Variants in RCSD1 observed in about 807,000 individuals in gnomAD.
RCSD1 encodes capZ-interacting protein.
A neutral mutation model predicts 42.5 loss-of-function variants in RCSD1; 26 were observed. That is an observed-to-expected ratio of 0.61 (90% confidence interval 0.45 to 0.85). The LOEUF is 0.85. RCSD1 is among the 40% of genes least tolerant of loss of function. The pLI is 0.00. For synonymous variants in RCSD1, 220 were observed against 212.2 expected (o/e 1.04, Z -0.32); for missense variants, 571 against 528.3 (o/e 1.08, Z -0.79).
At chr1:167,638,568 C>T (rs1009767434) in intron 1 of RCSD1, 1 of 152,262 alleles carries the variant, frequency 6.6e-6, no homozygotes. Flanking sequence ...GGGGAGACAA[C>T]AGGCTCCTCA....
chr1:167,693,133 C>T (rs1027071162), intron 4 of RCSD1, among the ~76,000 whole-genome samples: 13 of 152,120 alleles, frequency 8.5e-5, no homozygotes, highest in African/African-American at 2.9e-4. Flanking sequence ...CCCATTGCAC[C>T]GTCTGCCCCT....
At chr1:167,695,352 G>A (rs1338374874) in intron 5 of RCSD1, among the ~76,000 whole-genome samples, 1 of 152,190 alleles carries the variant, frequency 6.6e-6, no homozygotes, top group African/African-American at 2.4e-5. Flanking sequence ...AACCCTGCTG[G>A]TCATGAGGGC....
chr1:167,697,326 T>C lies in RCSD1; in HGVS notation c.702T>C (p.Ala234=), dbSNP rs1659522014. 1.2e-6 allele frequency: 2 copies of C among 1,613,938 alleles called. No homozygotes were observed. The highest frequency in any genetic ancestry group is 1.7e-6 in the Non-Finnish European group (2 of 1,179,974). ...AGGGAGTGAGAACCCTGGGACCTGCTGAAAAGCCTCCTCTGAGGAGGTCAC... is the reference window on the plus strand; with the variant it reads ...AGGGAGTGAGAACCCTGGGACCTGCCGAAAAGCCTCCTCTGAGGAGGTCAC... The part of the protein sequence containing the change: ...AGEGVRTLGP[A]EKPPLRRSPS... Residue 234 remains alanine (A), a synonymous_variant, in exon 6 of 7, where the codon GCT becomes GCC. Transcript: ENST00000367854.
chr1:167,653,240 A>T (rs1658352580), intron 1 of RCSD1, among the ~76,000 whole-genome samples: 1 of 152,216 alleles, frequency 6.6e-6, no homozygotes. Context: ...CATGCTTTGG[A>T]AGTTTATCTC....
intron 1 of RCSD1, among the ~76,000 whole-genome samples, chr1:167,667,466 A>G (rs1407146557): frequency 6.6e-6 from 1 of 152,256 alleles, no homozygotes; most frequent in African/African-American, 2.4e-5. Flanking sequence ...CAAGCAGCAA[A>G]CAGATATATT....
chr1:167,631,331 G>T (rs1277037482), intron 1 of RCSD1, among the ~76,000 whole-genome samples: 3 of 152,194 alleles, frequency 2.0e-5, no homozygotes, highest in Non-Finnish European at 2.9e-5. Flanking sequence ...CTTTTGAGAA[G>T]ATGCAAATGT....
chr1:167,639,692 C>T (rs548133619), intron 1 of RCSD1, among the ~76,000 whole-genome samples: 2 of 152,272 alleles, frequency 1.3e-5, no homozygotes, highest in East Asian at 1.9e-4. Context: ...CGGGGTTTCA[C>T]CATGTTGGCC....
In RCSD1 at chr1:167,697,232, G is replaced by A; in HGVS notation, c.608G>A (p.Gly203Glu). The change falls in exon 6 of 7, where the codon GGG (glycine) becomes GAG (glutamate). Residue 203 changes from glycine to glutamate, a missense_variant. Coordinates refer to ENST00000367854, the MANE Select transcript of RCSD1 (RefSeq NM_052862.4). ...CAGAACGGTGCTAAGGAAGAGGATG[G>A]GGATGAAGTGTTGCCATCCAAGAGC... ...SQQNGAKEED[G>E]DEVLPSKSKA... The A allele has an allele frequency of 6.2e-7, 1 of 1,614,152 alleles. No homozygotes were observed. The highest frequency in any genetic ancestry group is 8.5e-7 in the Non-Finnish European group (1 of 1,180,034).
At chr1:167,658,960 A>T (rs975183295) in intron 1 of RCSD1, among the ~76,000 whole-genome samples, 2 of 152,050 alleles carry the variant, frequency 1.3e-5, no homozygotes, top group African/African-American at 4.8e-5. Context: ...ATGTTGCCAG[A>T]TTACTTTCCC....
At chr1:167,630,587 C>A in intron 1 of RCSD1, 158 bp downstream of exon 1, 1 of 713,808 alleles carries the variant, frequency 1.4e-6, no homozygotes, top group Non-Finnish European at 2.0e-6. Flanking sequence ...CCTCCTTGAC[C>A]AACTCCGAAG....
At position 167,685,457 on chromosome 1, in the gene RCSD1, T is replaced by G; in HGVS notation, c.145T>G (p.Cys49Gly). The change falls in exon 3 of 7, where the codon TGT becomes GGT. Residue 49 changes from cysteine to glycine, a missense_variant. Cys to Gly is a radical substitution (Grantham distance 159). Transcript: ENST00000367854. Reference protein sequence around the residue: ...ASKPTRRKPPCSLPLFPPKVD... With the variant: ...ASKPTRRKPPGSLPLFPPKVD... Reference sequence around the variant, plus strand: ...TAAACCAACCCGAAGGAAACCGCCCTGTTCCCTCCCCCTGTTCCCCCCCAA... The same window carrying G: ...TAAACCAACCCGAAGGAAACCGCCCGGTTCCCTCCCCCTGTTCCCCCCCAA... The G allele has an allele frequency of 6.2e-7, 1 of 1,613,864 alleles. No individual in the cohort carries two copies. The highest frequency in any genetic ancestry group is 8.5e-7 in the Non-Finnish European group (1 of 1,179,896).
intron 1 of RCSD1, among the ~76,000 whole-genome samples, chr1:167,654,370 A>C (rs920576595): frequency 1.3e-5 from 2 of 152,178 alleles, no homozygotes; most frequent in African/African-American, 4.8e-5. Flanking sequence ...CACGTGCTTC[A>C]GAGGGAATGG....
intron 1 of RCSD1, among the ~76,000 whole-genome samples, chr1:167,660,340 T>A (rs1437360806): frequency 2.0e-5 from 3 of 152,116 alleles, no homozygotes; most frequent in African/African-American, 7.2e-5. Context: ...CTGATCCCCA[T>A]CCTTACCCCA....
intron 1 of RCSD1, among the ~76,000 whole-genome samples, chr1:167,668,287 GAA>G (rs760541289): frequency 7.0e-6 from 1 of 142,644 alleles, no homozygotes; most frequent in Admixed American, 7.0e-5. Flanking sequence ...TCCGTCTCCA[GAA>G]AAAAAAAAAA....
At chr1:167,630,589 A>G (rs956327870) in intron 1 of RCSD1, 160 bp downstream of exon 1, 5 of 682,258 alleles carry the variant, frequency 7.3e-6, no homozygotes, top group African/African-American at 3.8e-5. Flanking sequence ...TCCTTGACCA[A>G]CTCCGAAGGA....
chr1:167,637,644 C>G (rs1011638817), intron 1 of RCSD1, among the ~76,000 whole-genome samples: 1 of 152,092 alleles, frequency 6.6e-6, no homozygotes, highest in East Asian at 1.9e-4. Context: ...CTCCAGGTCC[C>G]GAGGGAATGC....
intron 1 of RCSD1, chr1:167,663,920 A>G (rs1658596155): frequency 6.6e-6 from 1 of 152,222 alleles, no homozygotes; most frequent in Admixed American, 6.5e-5. Context: ...CTTTATCACA[A>G]TTCTAAAAAA....
At chr1:167,658,943 T>G (rs533999121) in intron 1 of RCSD1, among the ~76,000 whole-genome samples, 207 of 152,166 alleles carry the variant, frequency 1.4e-3, no homozygotes, top group African/African-American at 4.6e-3. Context: ...GTAATCTAAT[T>G]TAATCGATGT....
intron 1 of RCSD1, among the ~76,000 whole-genome samples, chr1:167,678,262 A>G (rs115218663): frequency 0.014 from 2,077 of 152,206 alleles, 52 homozygotes; most frequent in African/African-American, 0.048. Context: ...GGCCTGAAAC[A>G]CTTCTCTGAA....
Sources: gnomAD v4.1 joint callset for allele counts (sites outside exome capture counted in the v4.1 genomes callset) on GRCh38, gnomAD v4.1.1 for gene constraint, MANE v1.5 for transcripts, NCBI Gene and HGNC (gene_info 2026-07-23, HGNC 2026-07-21) for gene names.